EPHA6: variants seen among roughly 807,000 people sequenced by gnomAD.
The protein encoded by EPHA6 is ephrin type-A receptor 6.
Under a neutral mutation model 112.0 loss-of-function variants are expected in EPHA6, and 50 were observed. That is an observed-to-expected ratio of 0.45 (90% CI 0.36 to 0.56). The LOEUF is 0.56. EPHA6 is among the 20% of genes least tolerant of loss of function. The probability of loss-of-function intolerance (pLI) is 0.00; values close to 1 mark genes in which losing one functional copy is unlikely to be tolerated. For missense variants in EPHA6, 1,280 were observed against 1,417.4 expected (o/e 0.90, Z 1.56); for synonymous variants, 529 against 490.7 (o/e 1.08, Z -1.03).
At chr3:97,117,623 C>G (rs2047927390) in intron 3 of EPHA6, among the ~76,000 whole-genome samples, 2 of 151,688 alleles carry the variant, frequency 1.3e-5, no homozygotes, top group Admixed American at 6.6e-5. Context: ...GATTGATTAC[C>G]TGTTAATGAA....
chr3:97,506,794 A>G (rs367830124), intron 10 of EPHA6, among the ~76,000 whole-genome samples: 116 of 152,308 alleles, frequency 7.6e-4, no homozygotes, highest in African/African-American at 2.4e-3. Context: ...GATTCTTCCT[A>G]TTCATGAGCA....
At chr3:96,871,153 C>A (rs536169259) in intron 2 of EPHA6, among the ~76,000 whole-genome samples, 2 of 152,036 alleles carry the variant, frequency 1.3e-5, no homozygotes, top group East Asian at 3.9e-4. Context: ...TTATATTGTT[C>A]CATATTTCAA....
At chr3:96,986,704 C>T (rs2043034813) in intron 2 of EPHA6, among the ~76,000 whole-genome samples, 1 of 152,112 alleles carries the variant, frequency 6.6e-6, no homozygotes, top group African/African-American at 2.4e-5. Flanking sequence ...TTTATAAAGG[C>T]AGAGAGTTTT....
chr3:97,218,551 A>G (rs1458414551), intron 3 of EPHA6, among the ~76,000 whole-genome samples: 2 of 152,124 alleles, frequency 1.3e-5, no homozygotes, highest in African/African-American at 4.8e-5. Context: ...GAAGTCACTC[A>G]CTATCATGAG....
chr3:97,461,460 C>G (rs1415220736), intron 7 of EPHA6, among the ~76,000 whole-genome samples: 3 of 152,086 alleles, frequency 2.0e-5, no homozygotes, highest in Non-Finnish European at 1.5e-5. Flanking sequence ...TACAGTGATT[C>G]AATGCATGTA....
At chr3:96,852,757 C>T (rs2035471465) in intron 1 of EPHA6, among the ~76,000 whole-genome samples, 2 of 152,056 alleles carry the variant, frequency 1.3e-5, no homozygotes, top group Admixed American at 6.6e-5. Context: ...GATGCAGATG[C>T]AGATAATAAC....
chr3:96,864,953 GA>G (rs1258278824), intron 1 of EPHA6, among the ~76,000 whole-genome samples: 1 of 152,028 alleles, frequency 6.6e-6, no homozygotes, highest in Non-Finnish European at 1.5e-5. Context: ...CAGGTGAAAT[GA>G]TAAGATTCCT....
chr3:97,476,485 A>T (rs1178572728), intron 8 of EPHA6, among the ~76,000 whole-genome samples: 1 of 152,176 alleles, frequency 6.6e-6, no homozygotes, highest in Non-Finnish European at 1.5e-5. Flanking sequence ...ACCTTCAGTG[A>T]ACCGAAAACA....
At chr3:97,534,202 A>G (rs1303481432) in intron 11 of EPHA6, among the ~76,000 whole-genome samples, 1 of 152,174 alleles carries the variant, frequency 6.6e-6, no homozygotes, top group Non-Finnish European at 1.5e-5. Flanking sequence ...TGTGTAATAC[A>G]TTTAGCACCC....
intron 3 of EPHA6, among the ~76,000 whole-genome samples, chr3:97,016,170 G>A (rs1241455756): frequency 6.6e-6 from 1 of 151,806 alleles, no homozygotes; most frequent in Non-Finnish European, 1.5e-5. Context: ...TGCATTTTTT[G>A]TTTGATACTT....
rs112933756 is a variant in EPHA6, at chr3:97,696,002, C to T, written c.2785-24259C>T. Among the ~76,000 whole-genome samples the T allele has an allele frequency of 3.5e-3, 537 of 152,324 alleles. 4 individuals are homozygous for T. The highest frequency in any genetic ancestry group is 0.012 in the African/African-American group (492 of 41,570). ...TGCACAGAACCTTGTACACATTAGG[C>T]ACTGAAAAGATATTTACCAAGTTGA... On this transcript the variant is annotated intron_variant, in intron 14 of 17. Transcript: ENST00000389672.
intron 6 of EPHA6, among the ~76,000 whole-genome samples, chr3:97,410,150 T>A (rs1395543045): frequency 2.0e-5 from 3 of 152,030 alleles, no homozygotes; most frequent in African/African-American, 4.8e-5. Context: ...TACTCCTCAA[T>A]ATCACACTTT....
intron 2 of EPHA6, among the ~76,000 whole-genome samples, chr3:96,896,407 A>G (rs1376231342): frequency 6.6e-6 from 1 of 152,118 alleles, no homozygotes; most frequent in African/African-American, 2.4e-5. Flanking sequence ...TTCTTTGTTT[A>G]CTTGTTTTTT....
intron 3 of EPHA6, among the ~76,000 whole-genome samples, chr3:97,159,559 T>C (rs191426926): frequency 1.3e-5 from 2 of 152,238 alleles, no homozygotes; most frequent in East Asian, 3.9e-4. Context: ...TACCTTATAT[T>C]GGATGCTGAT....
At chr3:96,880,764 A>G (rs2037270687) in intron 2 of EPHA6, among the ~76,000 whole-genome samples, 1 of 152,122 alleles carries the variant, frequency 6.6e-6, no homozygotes. Context: ...TGTGTATTTC[A>G]TATAAATTGA....
intron 14 of EPHA6, among the ~76,000 whole-genome samples, chr3:97,695,995 C>T (rs1170646033): frequency 6.6e-6 from 1 of 152,232 alleles, no homozygotes; most frequent in African/African-American, 2.4e-5. Flanking sequence ...ACCTTGTACA[C>T]ATTAGGCACT....
chr3:97,170,212 A>G (rs539728539), intron 3 of EPHA6, among the ~76,000 whole-genome samples: 1 of 152,210 alleles, frequency 6.6e-6, no homozygotes, highest in African/African-American at 2.4e-5. Flanking sequence ...GAGGAGGGGA[A>G]CTTAAATTTT....
At chr3:97,644,765 A>G (rs1183195285) in intron 14 of EPHA6, among the ~76,000 whole-genome samples, 1 of 151,604 alleles carries the variant, frequency 6.6e-6, no homozygotes, top group Non-Finnish European at 1.5e-5. Flanking sequence ...GAACAGACCA[A>G]TAACAGGAGC....
chr3:96,941,959 G>T (rs946246688), intron 2 of EPHA6, among the ~76,000 whole-genome samples: 1 of 152,206 alleles, frequency 6.6e-6, no homozygotes, highest in African/African-American at 2.4e-5. Context: ...GCTGCTGCCT[G>T]ATCGTTGCTC....
Sources: gnomAD v4.1 joint callset for allele counts (sites outside exome capture counted in the v4.1 genomes callset) on GRCh38, gnomAD v4.1.1 for gene constraint, MANE v1.5 for transcripts, NCBI Gene and HGNC (gene_info 2026-07-23, HGNC 2026-07-21) for gene names.